Variants in FHIP2A observed in about 807,000 individuals in gnomAD.
FHIP2A encodes FHF complex subunit HOOK interacting protein 2A.
In FHIP2A, 46 loss-of-function variants were observed where a neutral mutation model predicts 93.5. The ratio of observed to expected loss-of-function variants is 0.49; its 90% CI spans 0.39 to 0.63. The LOEUF (loss-of-function observed/expected upper bound fraction) is 0.63. FHIP2A is among the 20% of genes least tolerant of loss of function. The pLI, the probability that FHIP2A is intolerant of heterozygous loss-of-function variation, is 0.00. For synonymous variants in FHIP2A, 332 were observed against 326.5 expected (o/e 1.02, Z -0.18); for missense variants, 769 against 909.7 (o/e 0.85, Z 1.99).
At chr10:114,886,521 T>G (rs1307326429) in intron 16 of FHIP2A, among the ~76,000 whole-genome samples, 1 of 140,360 alleles carries the variant, frequency 7.1e-6, no homozygotes, top group Non-Finnish European at 1.5e-5. Flanking sequence ...GCAAAGTAGA[T>G]GCTATTTTGC....
chr10:114,830,725 T>C (rs2083603071), intron 1 of FHIP2A, 127 bp from the exon 2 acceptor site: 1 of 498,312 alleles, frequency 2.0e-6, no homozygotes, highest in Non-Finnish European at 3.6e-6. Context: ...ATATCTGACA[T>C]ATAAAAACAA....
chr10:114,873,199 A>G (rs2083867722), intron 16 of FHIP2A, among the ~76,000 whole-genome samples: 1 of 152,142 alleles, frequency 6.6e-6, no homozygotes, highest in African/African-American at 2.4e-5. Flanking sequence ...GAGTTTCCAT[A>G]TATTTTTGTT....
chr10:114,833,515 A>G (rs1038216210), intron 3 of FHIP2A, 113 bp downstream of exon 3: 29 of 1,033,044 alleles, frequency 2.8e-5, no homozygotes, highest in African/African-American at 3.2e-5. Flanking sequence ...ACATGGCAGG[A>G]TTCAAGTTAA....
At chr10:114,837,140 G>A (rs1000425671) in intron 5 of FHIP2A, among the ~76,000 whole-genome samples, 1 of 152,172 alleles carries the variant, frequency 6.6e-6, no homozygotes, top group Admixed American at 6.5e-5. Context: ...CTGAGCTCAA[G>A]TGATCCTCCT....
chr10:114,835,456 C>T (rs1294306018), intron 3 of FHIP2A, 81 bp from the exon 4 acceptor site: 3 of 777,306 alleles, frequency 3.9e-6, no homozygotes, highest in Non-Finnish European at 6.6e-6. Context: ...TACATTGTCT[C>T]TCCAATTTTT....
At chr10:114,843,329 G>T (rs1465418555) in intron 6 of FHIP2A, 103 bp downstream of exon 6, 35 of 754,040 alleles carry the variant, frequency 4.6e-5, no homozygotes, top group Non-Finnish European at 5.2e-5. Flanking sequence ...TTTTTGAGAT[G>T]GAGTCTTGCT....
chr10:114,883,827 G>A (rs1048813546), intron 16 of FHIP2A, among the ~76,000 whole-genome samples: 3 of 152,220 alleles, frequency 2.0e-5, no homozygotes, highest in East Asian at 1.9e-4. Context: ...TGATCCACCC[G>A]CCTTGGCCTC....
At chr10:114,841,125 C>G (rs1309616581) in intron 5 of FHIP2A, among the ~76,000 whole-genome samples, 5 of 152,052 alleles carry the variant, frequency 3.3e-5, no homozygotes, top group African/African-American at 7.2e-5. Flanking sequence ...GACCAGGATA[C>G]CAACAATCTT....
At chr10:114,848,600 T>G (rs746869503) in intron 12 of FHIP2A, 47 bp from the exon 13 acceptor site, 4 of 1,107,406 alleles carry the variant, frequency 3.6e-6, no homozygotes, top group Non-Finnish European at 5.4e-6. Flanking sequence ...CCTTTTTTTT[T>G]TCATGCAAAT....
rs2083807434 is a variant in FHIP2A at position 114,862,692 on chromosome 10, A to G, written c.*1152A>G. ...GGCACAGCATGCTTGTACTTGATTG[A>G]CAAAATCGTGTTTGCCAGTCCACTT... On this transcript the variant is annotated 3_prime_UTR_variant, in exon 17 of 17. Coordinates refer to ENST00000369248, the MANE Select transcript of FHIP2A (RefSeq NM_020940.4). The G allele has an allele frequency of 2.0e-6, 2 of 985,558 alleles. No individual in the cohort carries two copies. The highest frequency in any genetic ancestry group is 3.5e-5 in the African/African-American group (2 of 57,262). The allele number at this position is 985,558 out of a possible 1,614,324, so 61.1% of individuals were successfully genotyped here. A position where few individuals can be genotyped will look rare whatever the true frequency, so the allele number is the denominator to read the frequency against.
At chr10:114,827,154 G>C (rs771299225) in intron 1 of FHIP2A, among the ~76,000 whole-genome samples, 1 of 152,184 alleles carries the variant, frequency 6.6e-6, no homozygotes, top group Non-Finnish European at 1.5e-5. Flanking sequence ...GTTGAAGGCA[G>C]TGTTTCCTTG....
At chr10:114,830,760 C>T (rs2083603209) in intron 1 of FHIP2A, 92 bp from the exon 2 acceptor site, 2 of 713,000 alleles carry the variant, frequency 2.8e-6, no homozygotes, top group Non-Finnish European at 4.5e-6. Context: ...TTTTATGCTA[C>T]CTTTGCATTG....
intron 16 of FHIP2A, among the ~76,000 whole-genome samples, chr10:114,892,327 T>C (rs972980931): frequency 6.6e-6 from 1 of 152,168 alleles, no homozygotes; most frequent in African/African-American, 2.4e-5. Flanking sequence ...CATTTAGGTA[T>C]ACATATGTGC....
chr10:114,854,628 C>G (rs1454677600), intron 13 of FHIP2A, among the ~76,000 whole-genome samples: 1 of 152,198 alleles, frequency 6.6e-6, no homozygotes, highest in African/African-American at 2.4e-5. Context: ...TTTTTAAGTG[C>G]TTGCTCTTGC....
chr10:114,869,197 C>T (rs2083845264), downstream of FHIP2A, among the ~76,000 whole-genome samples: 1 of 152,146 alleles, frequency 6.6e-6, no homozygotes, highest in Non-Finnish European at 1.5e-5. Flanking sequence ...GAAATGTATT[C>T]CTTATTCCAC....
In FHIP2A at chr10:114,845,475, C is replaced by G. The variant is rs1226507332; in HGVS notation, c.1122C>G (p.Ala374=). ...FDYCDQLIKE[A]QKTAAVALAK... The stretch of plus-strand genomic sequence containing the variant: ...ATTGTGATCAGCTCATTAAGGAAGC[C>G]CAAAAGGTTTGTAATTTTTTATTGT... Residue 374 remains alanine (A), a synonymous_variant, in exon 8 of 17, where the codon GCC becomes GCG. Transcript: ENST00000369248. 2 of 1,590,038 alleles carry G rather than the reference C, an allele frequency of 1.3e-6. No homozygotes were observed. The highest frequency in any genetic ancestry group is 2.3e-5 in the South Asian group (2 of 88,734).
At chr10:114,833,601 C>A in intron 3 of FHIP2A, 199 bp downstream of exon 3, 2 of 485,862 alleles carry the variant, frequency 4.1e-6, no homozygotes, top group Non-Finnish European at 7.1e-6. Flanking sequence ...ACACTCTAGA[C>A]AACAACTTGT....
At chr10:114,853,185 T>C (rs1285901976) in intron 13 of FHIP2A, among the ~76,000 whole-genome samples, 1 of 152,206 alleles carries the variant, frequency 6.6e-6, no homozygotes, top group Non-Finnish European at 1.5e-5. Context: ...AATATGTAGC[T>C]TAGAGCTTTA....
At chr10:114,881,258 T>C (rs569544468) in intron 16 of FHIP2A, among the ~76,000 whole-genome samples, 47 of 152,136 alleles carry the variant, frequency 3.1e-4, no homozygotes, top group Admixed American at 1.6e-3. Flanking sequence ...AACAAATAAA[T>C]ACAAGTTGAC....
Sources: allele counts gnomAD v4.1 joint callset (sites outside exome capture counted in the v4.1 genomes callset), GRCh38; gene constraint gnomAD v4.1.1; transcripts MANE v1.5; gene names NCBI Gene and HGNC (gene_info 2026-07-23, HGNC 2026-07-21).